The following SORCS3 variants were observed in gnomAD, a reference collection of about 807,000 sequenced individuals.
The protein encoded by SORCS3 is VPS10 domain-containing receptor SorCS3.
Under a neutral mutation model 146.3 loss-of-function variants are expected in SORCS3, and 57 were observed. The ratio of observed to expected loss-of-function variants is 0.39; its 90% CI spans 0.31 to 0.49. The LOEUF (loss-of-function observed/expected upper bound fraction) is 0.49. SORCS3 is among the 20% of genes least tolerant of loss of function. The pLI is 0.92. For missense variants in SORCS3, 1,341 were observed against 1,575.5 expected, an observed-to-expected ratio of 0.85 and a Z score of 2.52; for synonymous variants, 653 against 618.5, an observed-to-expected ratio of 1.06 and a Z score of -0.83.
chr10:104,800,805 G>C (rs975721307), intron 1 of SORCS3, among the ~76,000 whole-genome samples: 1 of 152,130 alleles, frequency 6.6e-6, no homozygotes, highest in Non-Finnish European at 1.5e-5. Context: ...CACATGGATG[G>C]CTAAGAACTG....
chr10:104,804,444 A>C (rs1164259443), intron 1 of SORCS3, among the ~76,000 whole-genome samples: 1 of 152,168 alleles, frequency 6.6e-6, no homozygotes, highest in Admixed American at 6.5e-5. Flanking sequence ...TCCTTATTCT[A>C]CCTGATACTT....
At chr10:104,782,800 G>T (rs543483426) in intron 1 of SORCS3, among the ~76,000 whole-genome samples, 17 of 152,064 alleles carry the variant, frequency 1.1e-4, no homozygotes, top group African/African-American at 3.6e-4. Flanking sequence ...GGATAAATTG[G>T]GTTTCAGATA....
intron 5 of SORCS3, among the ~76,000 whole-genome samples, chr10:105,048,576 C>A (rs1257248192): frequency 1.3e-5 from 2 of 148,994 alleles, no homozygotes; most frequent in Middle Eastern, 6.9e-3. Context: ...AGGAGATATA[C>A]CTAATGTTAA....
chr10:104,662,290 A>C (rs1564653746), intron 1 of SORCS3, among the ~76,000 whole-genome samples: 1 of 152,240 alleles, frequency 6.6e-6, no homozygotes, highest in African/African-American at 2.4e-5. Flanking sequence ...TTGCAAAAAT[A>C]ATAGACCACA....
At chr10:104,946,772 C>T (rs943077339) in intron 3 of SORCS3, among the ~76,000 whole-genome samples, 1 of 152,190 alleles carries the variant, frequency 6.6e-6, no homozygotes, top group African/African-American at 2.4e-5. Context: ...AAGAACCCAT[C>T]ACATGTGGCC....
At chr10:104,709,402 C>T (rs2133437534) in intron 1 of SORCS3, among the ~76,000 whole-genome samples, 1 of 152,220 alleles carries the variant, frequency 6.6e-6, no homozygotes, top group Non-Finnish European at 1.5e-5. Context: ...TGCCAATTCT[C>T]CCCTGTTTTT....
chr10:105,264,124 T>C lies in SORCS3; in HGVS notation c.*750T>C, dbSNP rs773449350. The C allele has an allele frequency of 8.2e-6, 1 of 122,398 alleles. No homozygotes were observed. Among genetic ancestry groups the C allele is most frequent in the Non-Finnish European group, 1.6e-5 (1 of 61,996 alleles). The allele number at this position is 122,398 out of a possible 1,614,324, so 7.6% of individuals were successfully genotyped here. A position where few individuals can be genotyped will look rare whatever the true frequency, so the allele number is the denominator to read the frequency against. ...CTCCTTGTCCATGCCATAGCTGGTT[T>C]CTACTTATGTATATAAAGGGGGGTG... On this transcript the variant is annotated 3_prime_UTR_variant, in exon 27 of 27. Coordinates refer to ENST00000369701, the MANE Select transcript of SORCS3 (RefSeq NM_014978.3).
At chr10:105,116,678 T>C (rs2055895695) in intron 7 of SORCS3, among the ~76,000 whole-genome samples, 1 of 151,874 alleles carries the variant, frequency 6.6e-6, no homozygotes, top group Non-Finnish European at 1.5e-5. Context: ...AAATGGCACA[T>C]ATACACAGTG....
chr10:104,761,003 C>G (rs995195369), intron 1 of SORCS3, among the ~76,000 whole-genome samples: 2 of 150,872 alleles, frequency 1.3e-5, no homozygotes, highest in African/African-American at 4.9e-5. Flanking sequence ...AATTCAAAAA[C>G]AGATCTGGTG....
rs1040212441 is a variant in SORCS3, at chr10:105,043,068, T to C, written c.968T>C (p.Met323Thr). ...YSLDQKLYSS[M>T]DFGRRWQLMH... ...ATTGTTTTGCAGCTCTACAGCTCCA[T>C]GGACTTTGGAAGACGGTGGCAACTC... is the stretch of plus-strand genomic sequence containing the variant. Residue 323 changes from methionine to threonine, a missense_variant, in exon 5 of 27, where the codon ATG (methionine) becomes ACG (threonine). Coordinates refer to ENST00000369701, the MANE Select transcript of SORCS3 (RefSeq NM_014978.3). 10 of 1,613,714 alleles carry C rather than the reference T, an allele frequency of 6.2e-6. No homozygotes were observed. Among genetic ancestry groups the C allele is most frequent in the African/African-American group, 1.3e-5 (1 of 74,886 alleles).
Position 104,977,475 on chromosome 10 carries a change from C to G in SORCS3, c.936C>G (p.Ala312=), listed in dbSNP as rs1396037069. 3.7e-6 allele frequency: 6 copies of G among 1,609,140 alleles called. No individual in the cohort carries two copies. Among genetic ancestry groups the G allele is most frequent in the Non-Finnish European group, 5.1e-6 (6 of 1,178,484 alleles). ...CCAAGCAAGAGGACTGGGTGCTGGC[C>G]TACAGTTTGGATCAAAAGGTGAATA... is the stretch of plus-strand genomic sequence containing the variant. ...FHPKQEDWVL[A]YSLDQKLYSS... is the part of the protein sequence containing the mutation. Residue 312 remains alanine, a synonymous_variant, in exon 4 of 27, where the codon GCC becomes GCG. Transcript: ENST00000369701.
At chr10:104,790,945 C>G (rs2017489342) in intron 1 of SORCS3, among the ~76,000 whole-genome samples, 1 of 152,222 alleles carries the variant, frequency 6.6e-6, no homozygotes, top group South Asian at 2.1e-4. Flanking sequence ...AGATAACACT[C>G]CTGCTTTGCA....
intron 25 of SORCS3, among the ~76,000 whole-genome samples, chr10:105,259,234 A>G (rs1393298271): frequency 6.6e-6 from 1 of 152,242 alleles, no homozygotes; most frequent in Non-Finnish European, 1.5e-5. Context: ...ACTTTAACTA[A>G]TTAAGTGTAA....
intron 1 of SORCS3, among the ~76,000 whole-genome samples, chr10:104,701,377 GA>G (rs1179479205): frequency 6.6e-6 from 1 of 152,206 alleles, no homozygotes; most frequent in Non-Finnish European, 1.5e-5. Flanking sequence ...CTGAAAGACA[GA>G]AAATTGCACT....
In SORCS3 at chr10:105,262,331, G is replaced by T. The variant is rs2056965656; in HGVS notation, c.3444G>T (p.Arg1148Ser). 1 of 1,611,582 alleles carries T rather than the reference G, an allele frequency of 6.2e-7. No homozygotes were observed. The highest frequency in any genetic ancestry group is 1.1e-5 in the South Asian group (1 of 90,920). ...LAVFLIYKFK[R>S]KIPWINIYAQ... is the part of the protein sequence containing the mutation. ...CTGATTTTGCTCCTGTCCCATGTAG[G>T]AAAATCCCTTGGATTAACATCTATG... The change falls in exon 26 of 27, where the codon AGG becomes AGT. Residue 1148 changes from arginine to serine, a missense_variant and splice_region_variant. Coordinates refer to ENST00000369701, the MANE Select transcript of SORCS3 (RefSeq NM_014978.3).
At chr10:105,070,928 C>A (rs1198921113) in intron 5 of SORCS3, among the ~76,000 whole-genome samples, 1 of 152,134 alleles carries the variant, frequency 6.6e-6, no homozygotes, top group Non-Finnish European at 1.5e-5. Context: ...GTTTAATTTG[C>A]CATCATTAAG....
Position 104,813,397 on chromosome 10 carries a change from C to T in SORCS3, c.628-29395C>T, listed in dbSNP as rs75355861. Among the ~76,000 whole-genome samples, 737 of 152,250 alleles carry T rather than the reference C, an allele frequency of 4.8e-3. 3 individuals carry two copies. Among genetic ancestry groups the T allele is most frequent in the African/African-American group, 0.016 (681 of 41,544 alleles). On this transcript the variant is annotated intron_variant, in intron 1 of 26. Transcript: ENST00000369701. ...AGTTTACAAGACTCAGTCACCCCTA[C>T]GACTAGATTTTATGCTCCATGAATT...
At chr10:104,866,214 C>T (rs2932556) in intron 2 of SORCS3, among the ~76,000 whole-genome samples, 123,522 of 152,144 alleles carry the variant, frequency 0.81, 50,320 homozygotes, top group East Asian at 0.98. Context: ...GATTAAGGCA[C>T]GGGAGATGAG....
intron 1 of SORCS3, among the ~76,000 whole-genome samples, chr10:104,717,300 TAA>T (rs200835513): frequency 1.9e-4 from 20 of 104,302 alleles, no homozygotes; most frequent in Non-Finnish European, 1.8e-4. Context: ...AAAAAAAATG[TAA>T]AAAAAAAAAA....
Sources: gnomAD v4.1 joint callset for allele counts (sites outside exome capture counted in the v4.1 genomes callset) on GRCh38, gnomAD v4.1.1 for gene constraint, MANE v1.5 for transcripts, NCBI Gene and HGNC (gene_info 2026-07-23, HGNC 2026-07-21) for gene names.